The following TPO variants were observed in gnomAD, a reference collection of about 807,000 sequenced individuals.
TPO encodes the protein thyroid peroxidase.
Under a neutral mutation model 96.9 loss-of-function variants are expected in TPO, and 78 were observed. The ratio of observed to expected loss-of-function variants is 0.81; its 90% confidence interval spans 0.67 to 0.97. The LOEUF (loss-of-function observed/expected upper bound fraction) is 0.97. TPO is among the 50% of genes least tolerant of loss of function. The probability of loss-of-function intolerance (pLI) is 0.00; values close to 1 mark genes in which losing one functional copy is unlikely to be tolerated. For synonymous variants in TPO, 547 were observed against 538.0 expected (o/e 1.02, Z -0.23); for missense variants, 1,252 against 1,274.8 (o/e 0.98, Z 0.27).
intron 5 of TPO, among the ~76,000 whole-genome samples, chr2:1,451,601 G>A (rs994381186): frequency 6.6e-6 from 1 of 152,076 alleles, no homozygotes; most frequent in Admixed American, 6.6e-5. Flanking sequence ...CCATGATGCA[G>A]CTTCAGACTC....
At chr2:1,474,033 G>A (rs1253911620) in intron 7 of TPO, among the ~76,000 whole-genome samples, 1 of 152,080 alleles carries the variant, frequency 6.6e-6, no homozygotes, top group Non-Finnish European at 1.5e-5. Context: ...TGGTCTAACT[G>A]AGATAGTACT....
At chr2:1,416,388 C>T (rs1339033521) in intron 2 of TPO, among the ~76,000 whole-genome samples, 1 of 152,204 alleles carries the variant, frequency 6.6e-6, no homozygotes, top group Non-Finnish European at 1.5e-5. Context: ...AGAGCTAGTT[C>T]TGAGCAAGTT....
chr2:1,541,809 C>T (rs910118914), intron 16 of TPO: 6 of 153,230 alleles, frequency 3.9e-5, no homozygotes, highest in Non-Finnish European at 7.3e-5. Context: ...TTAATTTAAA[C>T]AAAGTCACTT....
intron 1 of TPO, among the ~76,000 whole-genome samples, chr2:1,401,165 G>A (rs572152320): frequency 1.2e-4 from 18 of 152,302 alleles, no homozygotes; most frequent in Non-Finnish European, 1.6e-4. Flanking sequence ...TGTAGGCAGC[G>A]TGCACATCAC....
At chr2:1,437,578 A>G (rs1483777496) in intron 5 of TPO, among the ~76,000 whole-genome samples, 1 of 152,228 alleles carries the variant, frequency 6.6e-6, no homozygotes, top group Non-Finnish European at 1.5e-5. Context: ...ATGATGGTTA[A>G]GAACAACAGC....
At position 1,423,011 on chromosome 2, in the gene TPO, T is replaced by A. The variant is rs377563692; in HGVS notation, c.95-34T>A. ...CTGTCAGTGAATCGCTGAACTGTCA[T>A]TGCGCTTTGACTGTGTGACATTCTG... On this transcript the variant is annotated intron_variant, in intron 2 of 16. Transcript: ENST00000329066. 4.6e-4 allele frequency: 740 copies of A among 1,603,576 alleles called. 12 individuals carry two copies. The South Asian group carries it at 7.7e-3, about 17-fold the overall frequency.
chr2:1,427,520 C>T (rs536327827), intron 3 of TPO, among the ~76,000 whole-genome samples: 12 of 152,254 alleles, frequency 7.9e-5, no homozygotes, highest in African/African-American at 2.4e-4. Context: ...AGGCACCCCT[C>T]GGACAGGGCA....
intron 3 of TPO, among the ~76,000 whole-genome samples, chr2:1,426,450 C>T (rs748999692): frequency 1.3e-5 from 2 of 152,108 alleles, no homozygotes; most frequent in Admixed American, 6.5e-5. Context: ...TCTGTAAAGT[C>T]GTTGTTCTAG....
At chr2:1,442,462 C>T (rs1341301173) in intron 5 of TPO, among the ~76,000 whole-genome samples, 2 of 152,078 alleles carry the variant, frequency 1.3e-5, no homozygotes, top group African/African-American at 2.4e-5. Flanking sequence ...TATTCATAAG[C>T]AGAAATACAA....
intron 15 of TPO, among the ~76,000 whole-genome samples, chr2:1,538,065 C>T (rs72776280): frequency 2.0e-4 from 18 of 92,020 alleles, no homozygotes; most frequent in Admixed American, 4.1e-4. Flanking sequence ...AAATCCCCCA[C>T]ACTGTGTGCA....
chr2:1,542,140 CA>C, intron 16 of TPO: 1 of 559,766 alleles, frequency 1.8e-6, no homozygotes, highest in South Asian at 2.1e-5. Context: ...GTGTGCTCAG[CA>C]CGGCTTCTTC....
Position 1,414,435 on chromosome 2 carries a change from C to T in TPO, c.27C>T (p.Val9=), listed in dbSNP as rs1662675203. ...TGAGAGCGCTCGCTGTGCTGTCTGT[C>T]ACGCTGGTTATGGCCTGCACAGAAG... The part of the protein sequence containing the change: MRALAVLS[V]TLVMACTEAF... Residue 9 remains valine, a synonymous_variant, in exon 2 of 17, where the codon GTC becomes GTT. Coordinates refer to ENST00000329066, the MANE Select transcript of TPO (RefSeq NM_001206744.2). The T allele has an allele frequency of 6.2e-7, 1 of 1,613,906 alleles. No homozygotes were observed. Among genetic ancestry groups the T allele is most frequent in the Admixed American group, 1.7e-5 (1 of 59,996 alleles).
intron 1 of TPO, among the ~76,000 whole-genome samples, chr2:1,401,424 G>T (rs912321758): frequency 6.6e-6 from 1 of 152,098 alleles, no homozygotes; most frequent in African/African-American, 2.4e-5. Flanking sequence ...TAGTAAAGTC[G>T]CTAGTTCTCT....
At chr2:1,388,492 T>C (rs1661943886) in intron 1 of TPO, among the ~76,000 whole-genome samples, 1 of 152,044 alleles carries the variant, frequency 6.6e-6, no homozygotes, top group African/African-American at 2.4e-5. Flanking sequence ...GCTCTGTGGG[T>C]GTAGGACCCT....
Position 1,456,130 on chromosome 2 carries a change from G to T in TPO, c.667G>T (p.Asp223Tyr), listed in dbSNP as rs771744942. 1.2e-6 allele frequency: 2 copies of T among 1,614,098 alleles called. No homozygotes were observed. Among genetic ancestry groups the T allele is most frequent in the African/African-American group, 2.7e-5 (2 of 75,044 alleles). Residue 223 changes from aspartate (D) to tyrosine (Y), a missense_variant, in exon 7 of 17, where the codon GAT becomes TAT. Coordinates refer to ENST00000329066, the MANE Select transcript of TPO (RefSeq NM_001206744.2). ...IQVSNEVVTD[D>Y]DRYSDLLMAW... ...AGTTTCAAATGAGGTTGTCACAGAT[G>T]ATGACCGCTATTCTGACCTCCTGAT...
chr2:1,441,589 C>G (rs1399925415), intron 5 of TPO, among the ~76,000 whole-genome samples: 1 of 152,152 alleles, frequency 6.6e-6, no homozygotes, highest in Non-Finnish European at 1.5e-5. Context: ...CTTCATCATC[C>G]TGGACTCAGA....
chr2:1,465,182 T>C (rs1668786800), intron 7 of TPO, among the ~76,000 whole-genome samples: 1 of 152,196 alleles, frequency 6.6e-6, no homozygotes, highest in African/African-American at 2.4e-5. Context: ...ATGTTTTTGT[T>C]TGCATTGTCG....
chr2:1,506,250 A>G (rs1673450380), intron 14 of TPO, among the ~76,000 whole-genome samples: 1 of 151,282 alleles, frequency 6.6e-6, no homozygotes, highest in Admixed American at 6.6e-5. Flanking sequence ...TCTATGGTAT[A>G]TATGTGCCAC....
intron 2 of TPO, among the ~76,000 whole-genome samples, chr2:1,420,488 T>C (rs1189584405): frequency 6.6e-6 from 1 of 152,060 alleles, no homozygotes; most frequent in Non-Finnish European, 1.5e-5. Context: ...ATCAGCAGGA[T>C]CAAAATTTCA....
Sources: allele counts gnomAD v4.1 joint callset (sites outside exome capture counted in the v4.1 genomes callset), GRCh38; gene constraint gnomAD v4.1.1; transcripts MANE v1.5; gene names NCBI Gene and HGNC (gene_info 2026-07-23, HGNC 2026-07-21).